ATXN1: variants seen among roughly 807,000 people sequenced by gnomAD.
The protein encoded by ATXN1 is ataxin 1, also known as ataxin-1.
In ATXN1, 8 loss-of-function variants were observed where a neutral mutation model predicts 56.4. The observed-to-expected ratio is 0.14, with a 90% confidence interval of 0.08 to 0.26. The LOEUF (loss-of-function observed/expected upper bound fraction) is 0.26. ATXN1 is among the 10% of genes least tolerant of loss of function. The pLI, the probability that ATXN1 is intolerant of heterozygous loss-of-function variation, is 1.00. For synonymous variants in ATXN1, 514 were observed against 494.6 expected (o/e 1.04, Z -0.52); for missense variants, 987 against 1,106.5 (o/e 0.89, Z 1.53).
chr6:16,431,597 T>C (rs1247304721), intron 6 of ATXN1, among the ~76,000 whole-genome samples: 1 of 152,206 alleles, frequency 6.6e-6, no homozygotes, highest in Non-Finnish European at 1.5e-5. Flanking sequence ...ATGCTATCTA[T>C]TGGGTATTTA....
intron 6 of ATXN1, among the ~76,000 whole-genome samples, chr6:16,387,668 C>T (rs758231171): frequency 1.3e-5 from 2 of 152,178 alleles, no homozygotes; most frequent in African/African-American, 2.4e-5. Context: ...GTCCTGCCTG[C>T]TTCGTTATGA....
intron 6 of ATXN1, among the ~76,000 whole-genome samples, chr6:16,446,832 C>T (rs1029480380): frequency 1.3e-5 from 2 of 152,030 alleles, no homozygotes; most frequent in Non-Finnish European, 2.9e-5. Flanking sequence ...GTTTGCTGAG[C>T]GTGTGGTTAA....
At chr6:16,382,542 A>G (rs1758151496) in intron 6 of ATXN1, among the ~76,000 whole-genome samples, 1 of 152,214 alleles carries the variant, frequency 6.6e-6, no homozygotes, top group South Asian at 2.1e-4. Context: ...AATAATGCAA[A>G]GAAGTTAGGG....
chr6:16,483,964 C>A (rs140001382), intron 6 of ATXN1, among the ~76,000 whole-genome samples: 63 of 152,294 alleles, frequency 4.1e-4, no homozygotes, highest in Middle Eastern at 6.8e-3. Flanking sequence ...AAAATGATTT[C>A]TAGTAAAACA....
Position 16,328,114 on chromosome 6 carries a change from G to A in ATXN1, c.197C>T (p.Ser66Leu), listed in dbSNP as rs879654700. ...GGGRHGPAGT[S>L]VELGLQQGIG... is the part of the protein sequence containing the mutation. ...TCCCTGTTGTAAACCAAGCTCCACC[G>A]AGGTCCCTGCCGGCCCATGCCTCCC... Residue 66 changes from serine (S) to leucine (L), a missense_variant, in exon 7 of 8, where the codon TCG (serine) becomes TTG (leucine). Transcript: ENST00000436367. The surrounding 1 kb of genome is among the most constrained non-coding windows in gnomAD (Gnocchi z 6.2). The A allele has an allele frequency of 5.6e-6, 9 of 1,593,576 alleles. No individual in the cohort carries two copies. The highest frequency in any genetic ancestry group is 2.2e-5 in the East Asian group (1 of 44,506).
chr6:16,307,827 A>C (rs189919553), intron 7 of ATXN1, among the ~76,000 whole-genome samples: 1 of 152,328 alleles, frequency 6.6e-6, no homozygotes, highest in East Asian at 1.9e-4. Flanking sequence ...AAAATGTTTA[A>C]ACTTTTTTTC....
chr6:16,429,887 G>A (rs895095895), intron 6 of ATXN1, among the ~76,000 whole-genome samples: 10 of 152,178 alleles, frequency 6.6e-5, no homozygotes, highest in Non-Finnish European at 1.0e-4. Context: ...ACTGTGGGAC[G>A]TGGAGCTCAA....
intron 2 of ATXN1, among the ~76,000 whole-genome samples, chr6:16,683,200 A>G (rs1758850235): frequency 6.6e-6 from 1 of 152,262 alleles, no homozygotes. Flanking sequence ...GTTCAAATCT[A>G]GAAGTCCATA....
chr6:16,409,295 T>TAAA (rs367909909), intron 6 of ATXN1, among the ~76,000 whole-genome samples: 66 of 143,318 alleles, frequency 4.6e-4, no homozygotes, highest in African/African-American at 3.3e-4. Context: ...TTTATGAAAC[T>TAAA]AAAAAAAAAA....
chr6:16,672,184 CCCAACACGTTTCCCT>C (rs1758553340), intron 2 of ATXN1, among the ~76,000 whole-genome samples: 1 of 152,210 alleles, frequency 6.6e-6, no homozygotes, highest in Non-Finnish European at 1.5e-5. Context: ...CACCTTTCCC[CCCAACACGTTTCCCT>C]CTTGTTTACT....
At chr6:16,600,723 T>C (rs1249409045) in intron 3 of ATXN1, among the ~76,000 whole-genome samples, 1 of 152,206 alleles carries the variant, frequency 6.6e-6, no homozygotes, top group Non-Finnish European at 1.5e-5. Flanking sequence ...CAACAACAAA[T>C]GTTTGTTTGG....
rs1760093718 is a variant in ATXN1, at chr6:16,301,375, C to T, written c.*4954G>A. ...ATCTATGTAAAAGAAATCTCAGCTC[C>T]GGAGTAGAGGTGTGCAAGTTGTTTG... On this transcript the variant is annotated 3_prime_UTR_variant, in exon 8 of 8. Transcript: ENST00000436367. 1 of 152,486 alleles carries T rather than the reference C, an allele frequency of 6.6e-6. No individual in the cohort carries two copies. The highest frequency in any genetic ancestry group is 1.5e-5 in the Non-Finnish European group (1 of 68,014). 9.4% of individuals were successfully genotyped at this position (152,486 alleles called of 1,614,324 possible).
chr6:16,574,635 T>C (rs1288382049), intron 4 of ATXN1, among the ~76,000 whole-genome samples: 1 of 152,164 alleles, frequency 6.6e-6, no homozygotes, highest in East Asian at 1.9e-4. Context: ...TTGAAGATAA[T>C]TTTAGATTTA....
intron 5 of ATXN1, among the ~76,000 whole-genome samples, chr6:16,500,752 A>AAC (rs1229131761): frequency 1.3e-5 from 2 of 151,510 alleles, no homozygotes; most frequent in Admixed American, 6.6e-5. Context: ...AAAAAAAAAA[A>AAC]AAAAAAAACA....
chr6:16,690,826 G>A (rs1341275523), intron 2 of ATXN1, among the ~76,000 whole-genome samples: 1 of 152,070 alleles, frequency 6.6e-6, no homozygotes, highest in Non-Finnish European at 1.5e-5. Context: ...ATACTGTGGG[G>A]CAGAATCTCC....
chr6:16,549,470 G>C (rs538654587), intron 4 of ATXN1, among the ~76,000 whole-genome samples: 1 of 152,142 alleles, frequency 6.6e-6, no homozygotes, highest in Non-Finnish European at 1.5e-5. Context: ...CCCAAATGTC[G>C]TTATGCGGCA....
chr6:16,652,287 G>C (rs766505991), intron 3 of ATXN1, among the ~76,000 whole-genome samples: 19 of 152,156 alleles, frequency 1.2e-4, no homozygotes, highest in Non-Finnish European at 2.5e-4. Flanking sequence ...TACTGGACTG[G>C]CGCTTTTCCT....
chr6:16,307,056 T>G (rs1430064098), intron 7 of ATXN1, among the ~76,000 whole-genome samples, 197 bp from the exon 8 acceptor site: 1 of 152,190 alleles, frequency 6.6e-6, no homozygotes, highest in Non-Finnish European at 1.5e-5. Flanking sequence ...TCTCTTTGGG[T>G]TGTACCTCTA....
intron 3 of ATXN1, among the ~76,000 whole-genome samples, chr6:16,639,237 C>T (rs965738432): frequency 6.6e-6 from 1 of 152,196 alleles, no homozygotes; most frequent in Non-Finnish European, 1.5e-5. Flanking sequence ...TTTGTTCTTT[C>T]GCTCCTCACA....
Sources: gnomAD v4.1 joint callset for allele counts (sites outside exome capture counted in the v4.1 genomes callset) on GRCh38, gnomAD v4.1.1 for gene constraint, Gnocchi (gnomAD v3.1) non-coding constraint, MANE v1.5 for transcripts, NCBI Gene and HGNC (gene_info 2026-07-23, HGNC 2026-07-21) for gene names.